SCMH1: variants seen among roughly 807,000 people sequenced by gnomAD.
SCMH1 encodes the protein polycomb protein SCMH1.
In SCMH1, 37 loss-of-function variants were observed where a neutral mutation model predicts 70.8. The ratio of observed to expected loss-of-function variants is 0.52; its 90% confidence interval spans 0.40 to 0.69. The LOEUF (loss-of-function observed/expected upper bound fraction) is 0.69, where lower values mean the gene tolerates loss of function less well. Ranked by LOEUF, SCMH1 falls within the 30% of genes least tolerant of loss-of-function variation. The probability of loss-of-function intolerance (pLI) is 0.00; values close to 1 mark genes in which losing one functional copy is unlikely to be tolerated. For synonymous variants in SCMH1, 292 were observed against 307.4 expected, an observed-to-expected ratio of 0.95 and a Z score of 0.52; for missense variants, 607 against 827.3, an observed-to-expected ratio of 0.73 and a Z score of 3.27.
intron 5 of SCMH1, among the ~76,000 whole-genome samples, chr1:41,150,552 A>G (rs376635219): frequency 6.6e-6 from 1 of 152,166 alleles, no homozygotes; most frequent in East Asian, 1.9e-4. Flanking sequence ...TTGTCTTTTT[A>G]AATAAATTGT....
At chr1:41,131,605 C>T (rs1053964168) in intron 6 of SCMH1, among the ~76,000 whole-genome samples, 19 of 152,070 alleles carry the variant, frequency 1.2e-4, no homozygotes, top group Admixed American at 1.0e-3. Context: ...GCACAACGTG[C>T]AGGTTTGTCA....
At chr1:41,054,721 T>C (rs2148748111) in intron 10 of SCMH1, among the ~76,000 whole-genome samples, 1 of 152,324 alleles carries the variant, frequency 6.6e-6, no homozygotes, top group East Asian at 1.9e-4. Flanking sequence ...AAAAGACTTG[T>C]AGTTGTGGCT....
intron 2 of SCMH1, among the ~76,000 whole-genome samples, chr1:41,171,643 A>G (rs1367900141): frequency 1.3e-5 from 2 of 152,164 alleles, no homozygotes; most frequent in East Asian, 3.9e-4. Flanking sequence ...TCCAAATTAG[A>G]CCATAAGTAA....
rs1648761612 is a variant in SCMH1 at position 41,181,510 on chromosome 1, C to A, written c.13+4611G>T. ...CTCAAACAAATTTACAAGAAAAAAA[C>A]ACACAACCCCATCAAAAAGTGGGCC... On this transcript the variant is annotated intron_variant, in intron 2 of 14. Coordinates refer to ENST00000337495, the Ensembl canonical transcript of SCMH1. 5.9e-5 allele frequency among the ~76,000 whole-genome samples: 9 copies of A among 152,232 alleles called. No individual in the cohort carries two copies. In the South Asian group the frequency reaches 1.7e-3, roughly 28 times the overall value.
At chr1:41,028,298 G>A (rs1156640596) in exon 15 of SCMH1, 2 of 1,613,992 alleles carry the variant, frequency 1.2e-6, no homozygotes, top group Admixed American at 1.7e-5. Flanking sequence ...CGCAGCAGCA[G>A]CAGGGCCTTG....
chr1:41,094,642 C>T (rs996832750), intron 8 of SCMH1, among the ~76,000 whole-genome samples: 2 of 152,088 alleles, frequency 1.3e-5, no homozygotes, highest in South Asian at 4.1e-4. Context: ...GTAATCCCAG[C>T]ACTTTGGGAG....
chr1:41,105,496 C>A (rs2147761314), intron 8 of SCMH1, among the ~76,000 whole-genome samples: 1 of 152,170 alleles, frequency 6.6e-6, no homozygotes, highest in African/African-American at 2.4e-5. Flanking sequence ...AACATGGACT[C>A]CAGGTAGAAA....
At chr1:41,053,470 C>T (rs1311615579) in intron 10 of SCMH1, among the ~76,000 whole-genome samples, 1 of 152,136 alleles carries the variant, frequency 6.6e-6, no homozygotes, top group African/African-American at 2.4e-5. Flanking sequence ...GCAAAGCCAC[C>T]CTGCAGGGAG....
chr1:41,191,184 G>A (rs1296142807), intron 1 of SCMH1, among the ~76,000 whole-genome samples: 1 of 152,114 alleles, frequency 6.6e-6, no homozygotes, highest in Non-Finnish European at 1.5e-5. Flanking sequence ...CCCCTTTTAA[G>A]TTCTATCATA....
At chr1:41,124,699 C>A (rs569739534) in intron 6 of SCMH1, among the ~76,000 whole-genome samples, 139 of 152,104 alleles carry the variant, frequency 9.1e-4, no homozygotes, top group Admixed American at 2.6e-3. Flanking sequence ...CCTTCAACTC[C>A]TGGGCTCAGG....
chr1:41,210,065 A>G (rs1424575248), intron 1 of SCMH1, among the ~76,000 whole-genome samples: 3 of 152,064 alleles, frequency 2.0e-5, no homozygotes, highest in Non-Finnish European at 4.4e-5. Flanking sequence ...CTATATATCA[A>G]TAACAGACAG....
chr1:41,059,547 C>T (rs1311657486), intron 10 of SCMH1, among the ~76,000 whole-genome samples: 2 of 152,192 alleles, frequency 1.3e-5, no homozygotes, highest in Non-Finnish European at 2.9e-5. Flanking sequence ...GCCACCTCCA[C>T]CACTCAATAA....
At chr1:41,210,466 A>T (rs1461061649) in intron 1 of SCMH1, among the ~76,000 whole-genome samples, 1 of 152,236 alleles carries the variant, frequency 6.6e-6, no homozygotes, top group Non-Finnish European at 1.5e-5. Context: ...CTACATTACA[A>T]GACTACGTAA....
At chr1:41,104,981 G>A (rs1202489651) in intron 8 of SCMH1, among the ~76,000 whole-genome samples, 1 of 151,516 alleles carries the variant, frequency 6.6e-6, no homozygotes, top group Admixed American at 6.6e-5. Flanking sequence ...TTGAGATGGA[G>A]TTTCACTCTT....
intron 8 of SCMH1, among the ~76,000 whole-genome samples, chr1:41,106,805 T>C (rs1055778378): frequency 8.6e-5 from 13 of 151,864 alleles, no homozygotes; most frequent in Admixed American, 7.9e-4. Flanking sequence ...TTCTCCTGCC[T>C]CAGCCTCCCG....
chr1:41,238,089 G>C (rs1662762322), intron 1 of SCMH1, among the ~76,000 whole-genome samples: 3 of 152,130 alleles, frequency 2.0e-5, no homozygotes, highest in Admixed American at 2.0e-4. Context: ...TAAATAATTT[G>C]TTTACAGTCA....
At chr1:41,037,404 G>A (rs1319570553) in exon 13 of SCMH1, 1 of 1,614,214 alleles carries the variant, frequency 6.2e-7, no homozygotes, top group South Asian at 1.1e-5. Flanking sequence ...GTGCTTGGTG[G>A]GAGGCCACAG....
intron 2 of SCMH1, among the ~76,000 whole-genome samples, chr1:41,175,902 T>C (rs896852581): frequency 1.3e-5 from 2 of 152,138 alleles, no homozygotes; most frequent in East Asian, 1.9e-4. Flanking sequence ...TAGGGGATCA[T>C]GATTAATTTT....
At chr1:41,192,953 T>C (rs1417434854) in intron 1 of SCMH1, among the ~76,000 whole-genome samples, 1 of 152,236 alleles carries the variant, frequency 6.6e-6, no homozygotes, top group Non-Finnish European at 1.5e-5. Context: ...ATATGGTCTC[T>C]GTTGCAACTG....
Sources: gnomAD v4.1 joint callset for allele counts (sites outside exome capture counted in the v4.1 genomes callset) on GRCh38, gnomAD v4.1.1 for gene constraint, MANE v1.5 for transcripts, NCBI Gene and HGNC (gene_info 2026-07-23, HGNC 2026-07-21) for gene names.